Variants in ATP2C1 observed in about 807,000 individuals in gnomAD.
The protein encoded by ATP2C1 is ATPase secretory pathway Ca2+ transporting 1.
Under a neutral mutation model 120.5 loss-of-function variants are expected in ATP2C1, and 31 were observed. The observed-to-expected ratio is 0.26, with a 90% CI of 0.19 to 0.35. The LOEUF is 0.35. ATP2C1 is among the 10% of genes least tolerant of loss of function. The probability of loss-of-function intolerance (pLI) is 1.00; values close to 1 mark genes in which losing one functional copy is unlikely to be tolerated. For synonymous variants in ATP2C1, 351 were observed against 358.7 expected (o/e 0.98, Z 0.24); for missense variants, 731 against 1,107.5 (o/e 0.66, Z 4.83).
chr3:130,870,182 T>C (rs560314247), intron 1 of ATP2C1, among the ~76,000 whole-genome samples: 1 of 151,870 alleles, frequency 6.6e-6, no homozygotes, highest in South Asian at 2.1e-4. Flanking sequence ...AAAAAAAAAA[T>C]AGATTCCTTT....
intron 26 of ATP2C1, among the ~76,000 whole-genome samples, chr3:131,011,537 G>A (rs1163848114): frequency 2.0e-5 from 3 of 152,290 alleles, no homozygotes; most frequent in Admixed American, 6.5e-5. Flanking sequence ...AATATGGGAT[G>A]TACAATATTC....
intron 2 of ATP2C1, among the ~76,000 whole-genome samples, chr3:130,896,821 T>G (rs2107934480): frequency 6.6e-6 from 1 of 152,340 alleles, no homozygotes; most frequent in Admixed American, 6.5e-5. Context: ...AGAAACCCTG[T>G]ATAAATTCTC....
intron 1 of ATP2C1, among the ~76,000 whole-genome samples, chr3:130,878,409 G>A (rs544963724): frequency 6.4e-4 from 97 of 151,914 alleles, no homozygotes; most frequent in Non-Finnish European, 1.1e-3. Context: ...GTTTTTCTTT[G>A]CAGTTTAATG....
chr3:130,951,264 T>G (rs956990620), intron 8 of ATP2C1, among the ~76,000 whole-genome samples: 6 of 152,166 alleles, frequency 3.9e-5, no homozygotes, highest in African/African-American at 7.2e-5. Flanking sequence ...CTCTAAATAA[T>G]TAAGAGGAAT....
rs116435386 is a variant in ATP2C1, at chr3:130,863,422, A to G, written c.108+12494A>G. On this transcript the variant is annotated intron_variant, in intron 1 of 26. Coordinates refer to the ATP2C1 transcript ENST00000504381. ...TAAACACACCATTTACTATTCTTCC[A>G]AGCAGACCAGTTAACACACACACAC... 9.7e-3 allele frequency among the ~76,000 whole-genome samples: 1,482 copies of G among 152,248 alleles called. 17 individuals carry two copies. The highest frequency in any genetic ancestry group is 0.032 in the African/African-American group (1,325 of 41,530).
intron 16 of ATP2C1, 111 bp from the exon 17 acceptor site, chr3:130,969,181 A>C: frequency 1.4e-6 from 1 of 735,550 alleles, no homozygotes; most frequent in East Asian, 2.6e-5. Flanking sequence ...TTTCACTATT[A>C]ACTGAAAAAT....
intron 20 of ATP2C1, among the ~76,000 whole-genome samples, chr3:130,990,050 G>A (rs534760869): frequency 1.3e-5 from 2 of 152,282 alleles, no homozygotes; most frequent in East Asian, 3.9e-4. Context: ...TGATATTACA[G>A]TGCAGCTGAG....
intron 26 of ATP2C1, chr3:131,016,044 T>G (rs1275168631): frequency 1.7e-6 from 2 of 1,178,600 alleles, no homozygotes; most frequent in Non-Finnish European, 2.2e-6. Context: ...TTTGTTTTGG[T>G]TTTTTTTTTT....
intron 26 of ATP2C1, among the ~76,000 whole-genome samples, chr3:131,010,038 G>C (rs1016640072): frequency 3.3e-5 from 5 of 152,242 alleles, no homozygotes; most frequent in African/African-American, 1.2e-4. Context: ...GTAGAGAGCA[G>C]CACCCAGTGA....
intron 1 of ATP2C1, among the ~76,000 whole-genome samples, chr3:130,888,967 T>TAA (rs1160330471): frequency 6.6e-6 from 1 of 152,234 alleles, no homozygotes; most frequent in Non-Finnish European, 1.5e-5. Context: ...AACACTGAAA[T>TAA]AAATGTGAGT....
At position 130,899,954 on chromosome 3, in the gene ATP2C1, A is replaced by G. The variant is rs371158939; in HGVS notation, c.6+5179A>G. Among the ~76,000 whole-genome samples the G allele has an allele frequency of 1.3e-3, 194 of 152,248 alleles. 3 individuals carry two copies. In the South Asian group the frequency reaches 0.027, roughly 21 times the overall value. On this transcript the variant is annotated intron_variant, in intron 2 of 27. Transcript: ENST00000510168. ...TCTTAAGTAAAGGCCTTTTGGTTTG[A>G]CATTTGGTCATTTCGTAAACATGCT...
chr3:130,969,062 A>G (rs2061180174), intron 16 of ATP2C1, among the ~76,000 whole-genome samples: 2 of 152,218 alleles, frequency 1.3e-5, no homozygotes, highest in South Asian at 4.1e-4. Context: ...TAGTCAGCGT[A>G]CAATCCAGAA....
intron 20 of ATP2C1, among the ~76,000 whole-genome samples, chr3:130,991,561 A>C (rs1462036658): frequency 1.3e-5 from 2 of 151,674 alleles, no homozygotes; most frequent in African/African-American, 4.9e-5. Flanking sequence ...AAAAATAAAG[A>C]AAAAAAAGGG....
chr3:130,878,763 G>A (rs899245424), intron 1 of ATP2C1, among the ~76,000 whole-genome samples: 18 of 152,164 alleles, frequency 1.2e-4, no homozygotes, highest in African/African-American at 3.1e-4. Context: ...ATTCTGATGG[G>A]GATTCCTTTA....
At chr3:130,946,946 A>G (rs2060178191) in intron 8 of ATP2C1, among the ~76,000 whole-genome samples, 1 of 152,250 alleles carries the variant, frequency 6.6e-6, no homozygotes, top group Non-Finnish European at 1.5e-5. Flanking sequence ...AGGGCTTAGA[A>G]GTGAAAAAGA....
intron 17 of ATP2C1, among the ~76,000 whole-genome samples, chr3:130,969,833 A>G (rs977083304): frequency 1.3e-5 from 2 of 152,234 alleles, no homozygotes; most frequent in African/African-American, 4.8e-5. Flanking sequence ...AATGTATGTC[A>G]TTCATGTTGA....
intron 1 of ATP2C1, among the ~76,000 whole-genome samples, chr3:130,858,659 T>C (rs2067920215): frequency 6.6e-6 from 1 of 152,192 alleles, no homozygotes; most frequent in Non-Finnish European, 1.5e-5. Flanking sequence ...AATTAGTGAA[T>C]GTGGGGAGTA....
chr3:130,975,566 A>G (rs1576954809), intron 18 of ATP2C1, 78 bp downstream of exon 18: 2 of 1,479,170 alleles, frequency 1.4e-6, no homozygotes, highest in East Asian at 2.4e-5. Context: ...CATGCTTCAC[A>G]TTTGAGCTGT....
intron 12 of ATP2C1, chr3:130,963,350 T>C (rs1462242086): frequency 1.9e-5 from 3 of 154,918 alleles, no homozygotes; most frequent in African/African-American, 7.2e-5. Flanking sequence ...CTCACTAATC[T>C]GCTATCTCTA....
Sources: allele counts gnomAD v4.1 joint callset (sites outside exome capture counted in the v4.1 genomes callset), GRCh38; gene constraint gnomAD v4.1.1; transcripts MANE v1.5; gene names NCBI Gene and HGNC (gene_info 2026-07-23, HGNC 2026-07-21).